The following RAP1GAP2 variants were observed in gnomAD, a reference collection of about 807,000 sequenced individuals.
RAP1GAP2 encodes the protein RAP1 GTPase activating protein 2.
RAP1GAP2 carries 27 observed loss-of-function variants against 95.0 expected under a neutral mutation model. The ratio of observed to expected loss-of-function variants is 0.28; its 90% confidence interval spans 0.21 to 0.39. RAP1GAP2 has a LOEUF of 0.39. RAP1GAP2 is among the 10% of genes least tolerant of loss of function. The pLI is 1.00. For missense variants in RAP1GAP2, 771 were observed against 970.0 expected, an observed-to-expected ratio of 0.79 and a Z score of 2.72; for synonymous variants, 373 against 380.9, an observed-to-expected ratio of 0.98 and a Z score of 0.24.
chr17:2,781,575 GGTCTCTGTGTGGGCAC>G (rs1567643416), intron 1 of RAP1GAP2, among the ~76,000 whole-genome samples: 1 of 117,762 alleles, frequency 8.5e-6, no homozygotes, highest in East Asian at 2.2e-4. Context: ...TGTGTGTGCA[GGTCTCTGTGTGGGCAC>G]GTCTCTGTGT....
intron 2 of RAP1GAP2, among the ~76,000 whole-genome samples, chr17:2,851,434 G>C (rs913523022): frequency 6.6e-6 from 1 of 152,134 alleles, no homozygotes; most frequent in African/African-American, 2.4e-5. Flanking sequence ...CCTCTGTGGG[G>C]TGTGGGTGTG....
upstream of RAP1GAP2, among the ~76,000 whole-genome samples, chr17:2,795,174 G>A (rs573036236): frequency 1.6e-4 from 24 of 151,724 alleles, no homozygotes; most frequent in African/African-American, 5.6e-4. Flanking sequence ...CGCCACACCC[G>A]GCCTTTCTTC....
intron 2 of RAP1GAP2, among the ~76,000 whole-genome samples, chr17:2,845,789 A>G (rs1452325076): frequency 6.6e-6 from 1 of 152,022 alleles, no homozygotes; most frequent in Non-Finnish European, 1.5e-5. Context: ...TGAACCCTGT[A>G]GGCGAAGGTT....
rs1213320386 is a variant in RAP1GAP2, at chr17:2,919,455, T to C, written c.165+14087T>C. Among the ~76,000 whole-genome samples, 3 of 152,206 alleles carry C rather than the reference T, an allele frequency of 2.0e-5. No homozygotes were observed. The East Asian group carries it at 5.8e-4, about 29-fold the overall frequency. On this transcript the variant is annotated intron_variant, in intron 3 of 24. Coordinates refer to ENST00000254695, the MANE Select transcript of RAP1GAP2 (RefSeq NM_015085.5). ...ATGAGTTTTATGAGCAGTTTGTCCC[T>C]ATCATAAGTTTCTTTCCTAACTTCT...
rs920622160 is a variant in RAP1GAP2 at position 2,871,207 on chromosome 17, C to T, written c.81-34077C>T. Among the ~76,000 whole-genome samples the T allele has an allele frequency of 2.6e-5, 4 of 152,222 alleles. No individual in the cohort carries two copies. The highest frequency in any genetic ancestry group is 2.1e-4 in the South Asian group (1 of 4,832). On this transcript the variant is annotated intron_variant, in intron 2 of 24. Transcript: ENST00000254695. The surrounding 1 kb of genome is among the most constrained non-coding windows in gnomAD (Gnocchi z 5.0). ...CTGACCTCAGGTGATCCACCCACCTCGGCCTCCCACAGTGCTGGGATTACA... is the reference window on the plus strand; with the variant it reads ...CTGACCTCAGGTGATCCACCCACCTTGGCCTCCCACAGTGCTGGGATTACA...
At chr17:2,911,572 G>T (rs1378663471) in intron 3 of RAP1GAP2, among the ~76,000 whole-genome samples, 1 of 151,866 alleles carries the variant, frequency 6.6e-6, no homozygotes, top group Non-Finnish European at 1.5e-5. Flanking sequence ...AGAGCCTGCC[G>T]TCTACAGGGG....
intron 1 of RAP1GAP2, among the ~76,000 whole-genome samples, chr17:2,768,388 G>T (rs904309915): frequency 6.6e-6 from 1 of 152,130 alleles, no homozygotes; most frequent in African/African-American, 2.4e-5. Context: ...ATCATCATAG[G>T]CCCTCAATAA....
intron 14 of RAP1GAP2, among the ~76,000 whole-genome samples, chr17:3,000,229 G>A (rs1005455530): frequency 8.5e-5 from 13 of 152,258 alleles, no homozygotes; most frequent in African/African-American, 2.7e-4. Context: ...GATTATAGGC[G>A]TGAGCCACTG....
chr17:2,932,231 G>C (rs987682904), intron 3 of RAP1GAP2, among the ~76,000 whole-genome samples: 1 of 152,098 alleles, frequency 6.6e-6, no homozygotes, highest in East Asian at 1.9e-4. Context: ...CCTCCTTCGC[G>C]CTGAAGCAGA....
At chr17:2,997,884 C>T (rs543961032) in intron 13 of RAP1GAP2, among the ~76,000 whole-genome samples, 26 of 145,684 alleles carry the variant, frequency 1.8e-4, no homozygotes, top group African/African-American at 5.9e-4. Context: ...GATCGTGCCA[C>T]GGCACTCCAG....
intron 3 of RAP1GAP2, among the ~76,000 whole-genome samples, chr17:2,933,958 T>A (rs1255063211): frequency 6.6e-6 from 1 of 152,234 alleles, no homozygotes. Flanking sequence ...GGAGCCCCAG[T>A]TGTTTCTTGG....
chr17:2,782,538 C>G lies in RAP1GAP2; in HGVS notation c.-14+5260C>G, dbSNP rs992022009. On this transcript the variant is annotated intron_variant, in intron 1 of 24. Coordinates refer to the RAP1GAP2 transcript ENST00000540393. ...AGTTTCTGATGGGGAGCAGAGTGGT[C>G]TCTGGGGCTCCGGGCATCCAATGGG... Among the ~76,000 whole-genome samples the G allele has an allele frequency of 2.0e-5, 3 of 152,132 alleles. No homozygotes were observed. In the East Asian group the frequency reaches 5.8e-4, roughly 29 times the overall value.
intron 1 of RAP1GAP2, among the ~76,000 whole-genome samples, chr17:2,778,913 A>C (rs764156654): frequency 6.6e-6 from 1 of 152,182 alleles, no homozygotes; most frequent in Admixed American, 6.6e-5. Context: ...TGGGGAGAGA[A>C]ACAGGGAAGC....
In RAP1GAP2 at chr17:2,781,033, C is replaced by T. The variant is rs141837151; in HGVS notation, c.-14+3755C>T. Among the ~76,000 whole-genome samples, 15 of 152,354 alleles carry T rather than the reference C, an allele frequency of 9.8e-5. No individual in the cohort carries two copies. The East Asian group carries it at 2.9e-3, about 29-fold the overall frequency. The stretch of plus-strand genomic sequence containing the variant: ...GCATTCCTGTCTACCTGCTCATGAT[C>T]TGGAGCAGTCGCAGGGGCACCCAAG... On this transcript the variant is annotated intron_variant, in intron 1 of 24. Transcript: ENST00000540393.
At chr17:3,006,725 G>A (rs974417086) in intron 16 of RAP1GAP2, among the ~76,000 whole-genome samples, 2 of 152,154 alleles carry the variant, frequency 1.3e-5, no homozygotes, top group Admixed American at 1.3e-4. Flanking sequence ...GAGCCACTGC[G>A]CCTGGCCCAA....
At chr17:2,829,687 A>AATTATTT in intron 2 of RAP1GAP2, among the ~76,000 whole-genome samples, 1 of 152,280 alleles carries the variant, frequency 6.6e-6, no homozygotes, top group Non-Finnish European at 1.5e-5. Context: ...CTCAGGGGAG[A>AATTATTT]CTAAGCTGGC....
intron 1 of RAP1GAP2, among the ~76,000 whole-genome samples, chr17:2,787,693 G>A (rs574177368): frequency 6.6e-6 from 1 of 151,940 alleles, no homozygotes; most frequent in African/African-American, 2.4e-5. Context: ...TCAGCCTCCC[G>A]AGTAGCTGGG....
At chr17:2,820,280 G>C (rs1473172808) in intron 2 of RAP1GAP2, among the ~76,000 whole-genome samples, 1 of 152,094 alleles carries the variant, frequency 6.6e-6, no homozygotes, top group African/African-American at 2.4e-5. Flanking sequence ...ACCTAGAGGT[G>C]GGGCTGTTGG....
intron 2 of RAP1GAP2, among the ~76,000 whole-genome samples, chr17:2,890,895 A>G (rs566899766): frequency 6.2e-4 from 95 of 152,028 alleles, no homozygotes; most frequent in Admixed American, 4.7e-3. Context: ...TGTGTTAGTC[A>G]GGATGGTCTC....
Sources: allele counts gnomAD v4.1 joint callset (sites outside exome capture counted in the v4.1 genomes callset), GRCh38; gene constraint gnomAD v4.1.1; non-coding constraint Gnocchi (gnomAD v3.1); transcripts MANE v1.5; gene names NCBI Gene and HGNC (gene_info 2026-07-23, HGNC 2026-07-21).